The following GABRB3 variants were observed in gnomAD, a reference collection of about 807,000 sequenced individuals.
GABRB3 encodes gamma-aminobutyric acid type A receptor subunit beta3, also known as gamma-aminobutyric acid receptor subunit beta-3.
GABRB3 carries 14 observed loss-of-function variants against 52.1 expected under a neutral mutation model. The observed-to-expected ratio is 0.27, with a 90% CI of 0.18 to 0.42. GABRB3 has a LOEUF of 0.42. GABRB3 is among the 10% of genes least tolerant of loss of function. The pLI is 1.00. For synonymous variants in GABRB3, 260 were observed against 232.3 expected (o/e 1.12, Z -1.08); for missense variants, 307 against 609.1 (o/e 0.50, Z 5.22).
chr15:26,595,360 G>A (rs1234264846), intron 4 of GABRB3, among the ~76,000 whole-genome samples: 2 of 152,120 alleles, frequency 1.3e-5, no homozygotes, highest in African/African-American at 4.8e-5. Context: ...GGGAGCACTG[G>A]GAACTAGGCT....
chr15:26,768,918 A>G (rs1049398049), intron 3 of GABRB3, among the ~76,000 whole-genome samples: 3 of 152,350 alleles, frequency 2.0e-5, no homozygotes, highest in African/African-American at 4.8e-5. Flanking sequence ...TAAATATTAA[A>G]ACATTCAAAT....
chr15:26,707,764 C>T (rs976637071), intron 3 of GABRB3, among the ~76,000 whole-genome samples: 2 of 151,930 alleles, frequency 1.3e-5, no homozygotes, highest in Non-Finnish European at 1.5e-5. Context: ...TGGACATAGG[C>T]CTTTTAAACA....
intron 3 of GABRB3, among the ~76,000 whole-genome samples, chr15:26,706,328 T>A (rs1889101388): frequency 6.6e-6 from 1 of 152,168 alleles, no homozygotes; most frequent in South Asian, 2.1e-4. Flanking sequence ...AAAGAGTTCA[T>A]ACAGAAGTGT....
At chr15:26,733,332 A>G (rs1345793613) in intron 3 of GABRB3, among the ~76,000 whole-genome samples, 1 of 152,188 alleles carries the variant, frequency 6.6e-6, no homozygotes, top group African/African-American at 2.4e-5. Context: ...TACAAAGTCA[A>G]CACACAAAAA....
At chr15:26,561,696 T>C (rs1466025719) in intron 7 of GABRB3, among the ~76,000 whole-genome samples, 1 of 152,164 alleles carries the variant, frequency 6.6e-6, no homozygotes, top group East Asian at 1.9e-4. Flanking sequence ...CTACAATGCT[T>C]ATTGGAAGCA....
intron 4 of GABRB3, among the ~76,000 whole-genome samples, chr15:26,601,335 G>A (rs915137259): frequency 1.3e-5 from 2 of 151,914 alleles, no homozygotes; most frequent in African/African-American, 2.4e-5. Context: ...GCTTGAACCC[G>A]GGAGGCAGAG....
intron 4 of GABRB3, among the ~76,000 whole-genome samples, chr15:26,609,128 A>G (rs1307641399): frequency 9.9e-6 from 1 of 100,552 alleles, no homozygotes; most frequent in Non-Finnish European, 2.5e-5. Context: ...ACACACACAC[A>G]CACACACAAT....
At chr15:26,624,072 G>A (rs1486236342) in intron 3 of GABRB3, 1 of 377,832 alleles carries the variant, frequency 2.6e-6, no homozygotes, top group Non-Finnish European at 3.7e-6. Context: ...GGTGTGCAGA[G>A]GCCTCCGAGG....
intron 3 of GABRB3, chr15:26,629,060 G>C: frequency 6.5e-7 from 1 of 1,536,134 alleles, no homozygotes; most frequent in Non-Finnish European, 8.7e-7. Context: ...GACTCCGAGA[G>C]CCTCCGCCAC....
At chr15:26,772,621 G>T in intron 2 of GABRB3, 60 bp downstream of exon 2, 1 of 1,464,122 alleles carries the variant, frequency 6.8e-7, no homozygotes, top group East Asian at 2.8e-5. Context: ...GCCTCCCTCC[G>T]CCCAGGCCGC....
intron 3 of GABRB3, among the ~76,000 whole-genome samples, chr15:26,721,890 T>A (rs1305931793): frequency 1.3e-5 from 2 of 152,026 alleles, no homozygotes; most frequent in Non-Finnish European, 2.9e-5. Flanking sequence ...TCTGAGAACA[T>A]CAAAGAAAGA....
chr15:26,747,837 T>C (rs950799417), intron 3 of GABRB3, among the ~76,000 whole-genome samples: 2 of 152,138 alleles, frequency 1.3e-5, no homozygotes, highest in Admixed American at 6.5e-5. Flanking sequence ...TTTTGTAGAT[T>C]CTCTTTATAA....
At chr15:26,703,218 T>C (rs1888991824) in intron 3 of GABRB3, among the ~76,000 whole-genome samples, 1 of 152,180 alleles carries the variant, frequency 6.6e-6, no homozygotes, top group Non-Finnish European at 1.5e-5. Flanking sequence ...CTCACAGTTC[T>C]AGAGGCTGGA....
intron 8 of GABRB3, among the ~76,000 whole-genome samples, chr15:26,554,191 C>CATATATATATATATATATATATA (rs1567097873): frequency 6.4e-5 from 1 of 15,572 alleles, no homozygotes; most frequent in African/African-American, 1.5e-4. Context: ...TATATATATA[C>CATATATATATATATATATATATA]TATATATATA....
chr15:26,603,395 AC>A (rs1891657677), intron 4 of GABRB3, among the ~76,000 whole-genome samples: 1 of 152,088 alleles, frequency 6.6e-6, no homozygotes, highest in Non-Finnish European at 1.5e-5. Context: ...ATACTTCCAA[AC>A]TCATTCTCTG....
At chr15:26,766,862 A>G (rs996208363) in intron 3 of GABRB3, among the ~76,000 whole-genome samples, 13 of 152,144 alleles carry the variant, frequency 8.5e-5, no homozygotes, top group African/African-American at 3.1e-4. Context: ...GCCATCCACA[A>G]CAGGACCATG....
intron 4 of GABRB3, among the ~76,000 whole-genome samples, chr15:26,592,963 C>G (rs899493285): frequency 5.3e-5 from 8 of 151,636 alleles, no homozygotes; most frequent in Admixed American, 1.3e-4. Flanking sequence ...TACAGTGAGC[C>G]GAGATCACAC....
chr15:26,684,660 C>T (rs758884553), intron 3 of GABRB3, among the ~76,000 whole-genome samples: 16 of 152,020 alleles, frequency 1.1e-4, no homozygotes, highest in Non-Finnish European at 2.9e-5. Flanking sequence ...TGGCCTATTT[C>T]CGATAGTGCT....
rs184640266 is a variant in GABRB3, at chr15:26,581,058, C to G, written c.545-602G>C. 261 of 200,976 alleles carry G rather than the reference C, an allele frequency of 1.3e-3. 3 individuals carry two copies. The highest frequency in any genetic ancestry group is 9.0e-4 in the Admixed American group (17 of 18,896). The allele number at this position is 200,976 out of a possible 1,614,324, so 12.4% of individuals were successfully genotyped here. A position where few individuals can be genotyped will look rare whatever the true frequency, so the allele number is the denominator to read the frequency against. On this transcript the variant is annotated intron_variant, in intron 5 of 8. Transcript: ENST00000311550. ...ACCCTTAGAGATGGGCACAGGTGGT[C>G]TCATCAGAAAGAACAGTGGTCGTTA...
Sources: gnomAD v4.1 joint callset for allele counts (sites outside exome capture counted in the v4.1 genomes callset) on GRCh38, gnomAD v4.1.1 for gene constraint, MANE v1.5 for transcripts, NCBI Gene and HGNC (gene_info 2026-07-23, HGNC 2026-07-21) for gene names.